TTLL5: variants seen among roughly 807,000 people sequenced by gnomAD.
The protein encoded by TTLL5 is tubulin polyglutamylase TTLL5.
In TTLL5, 132 loss-of-function variants were observed where a neutral mutation model predicts 168.4. That is an observed-to-expected ratio of 0.78 (90% CI 0.68 to 0.91). The LOEUF (loss-of-function observed/expected upper bound fraction) is 0.91. TTLL5 is among the 40% of genes least tolerant of loss of function. TTLL5 has a pLI of 0.00. For missense variants in TTLL5, 1,545 were observed against 1,581.5 expected (o/e 0.98, Z 0.39); for synonymous variants, 546 against 558.6 (o/e 0.98, Z 0.32).
Position 75,766,182 on chromosome 14 carries a change from T to A in TTLL5, c.1829T>A (p.Phe610Tyr). ...QEASQEESAG[F>Y]LRENQAKYTP... ...GCTTCCCAGGAGGAGTCTGCAGGAT[T>A]TCTTAGAGAAAATCAAGCCAAATAT... The change falls in exon 20 of 32, where the codon TTT becomes TAT. Residue 610 changes from phenylalanine to tyrosine, a missense_variant. Phe to Tyr is a conservative substitution (Grantham distance 22, BLOSUM62 3). Coordinates refer to ENST00000298832, the MANE Select transcript of TTLL5 (RefSeq NM_015072.5). 1 of 1,614,044 alleles carries A rather than the reference T, an allele frequency of 6.2e-7. No homozygotes were observed. Among genetic ancestry groups the A allele is most frequent in the Non-Finnish European group, 8.5e-7 (1 of 1,179,988 alleles).
chr14:75,866,446 T>C (rs1366084823), intron 29 of TTLL5, among the ~76,000 whole-genome samples: 1 of 152,212 alleles, frequency 6.6e-6, no homozygotes, highest in Non-Finnish European at 1.5e-5. Context: ...GTAGATAGAA[T>C]TGAAATCTGA....
intron 28 of TTLL5, among the ~76,000 whole-genome samples, chr14:75,824,265 G>A (rs1009981505): frequency 1.3e-5 from 2 of 152,138 alleles, no homozygotes; most frequent in Admixed American, 6.5e-5. Context: ...AAAGACTTTT[G>A]AAGACATAAT....
chr14:75,945,321 A>C (rs1488752241), intron 31 of TTLL5, among the ~76,000 whole-genome samples: 1 of 151,446 alleles, frequency 6.6e-6, no homozygotes, highest in Non-Finnish European at 1.5e-5. Flanking sequence ...CAGTGGCACG[A>C]TCTTGGCTCG....
chr14:75,882,556 T>C (rs2031874842), intron 29 of TTLL5, 129 bp from the exon 30 acceptor site: 2 of 796,304 alleles, frequency 2.5e-6, no homozygotes, highest in Non-Finnish European at 3.9e-6. Context: ...GAGAAGTTTT[T>C]CCTTAAAAAA....
At position 75,930,541 on chromosome 14, in the gene TTLL5, AATAAAGG is replaced by A. The variant is rs2034241580; in HGVS notation, c.3824-23878_3824-23872del. On this transcript the variant is annotated intron_variant, in intron 31 of 31. Transcript: ENST00000298832. ...AACACTTCTAGTCACAAGCATTTTGAATAAAGGATAATCAGCCTGTATATATTATTAA... is the reference window on the plus strand; with the variant it reads ...AACACTTCTAGTCACAAGCATTTTGAATAATCAGCCTGTATATATTATTAA... 3.2e-6 allele frequency: 3 copies of A among 927,230 alleles called. No individual in the cohort carries two copies. In the South Asian group the frequency reaches 1.5e-4, roughly 46 times the overall value. The allele number at this position is 927,230 out of a possible 1,614,324, so 57.4% of individuals were successfully genotyped here. A position where few individuals can be genotyped will look rare whatever the true frequency, so the allele number is the denominator to read the frequency against.
chr14:75,667,632 G>A (rs1883362990), intron 2 of TTLL5, among the ~76,000 whole-genome samples: 2 of 151,958 alleles, frequency 1.3e-5, no homozygotes, highest in South Asian at 4.1e-4. Flanking sequence ...AACTAGGTAT[G>A]CTGTTCTTTG....
At chr14:75,861,232 T>G (rs1303836671) in intron 28 of TTLL5, among the ~76,000 whole-genome samples, 1 of 152,090 alleles carries the variant, frequency 6.6e-6, no homozygotes, top group Admixed American at 6.6e-5. Context: ...ATGTGACATA[T>G]CAGAGGTGAG....
intron 27 of TTLL5, among the ~76,000 whole-genome samples, chr14:75,803,813 A>C (rs1423755150): frequency 6.6e-6 from 1 of 152,196 alleles, no homozygotes. Context: ...GAAGAGATGT[A>C]GCCCTTTGTG....
intron 28 of TTLL5, among the ~76,000 whole-genome samples, chr14:75,841,004 A>G (rs1310016557): frequency 6.6e-6 from 1 of 152,204 alleles, no homozygotes; most frequent in African/African-American, 2.4e-5. Flanking sequence ...TCACATGGCA[A>G]GAGCAGGGGC....
chr14:75,706,159 C>T (rs938852685), intron 7 of TTLL5, among the ~76,000 whole-genome samples: 2 of 152,196 alleles, frequency 1.3e-5, no homozygotes, highest in African/African-American at 4.8e-5. Context: ...CTCATTTCTG[C>T]ATCTACTCTT....
rs190661443 is a variant in TTLL5, at chr14:75,906,406, G to C, written c.3823+4182G>C. The C allele has an allele frequency of 4.3e-5, 24 of 555,784 alleles. No homozygotes were observed. The African/African-American group carries it at 4.9e-4, about 11-fold the overall frequency. The allele number at this position is 555,784 out of a possible 1,614,324, so 34.4% of individuals were successfully genotyped here. On this transcript the variant is annotated intron_variant, in intron 31 of 31. Transcript: ENST00000298832. Reference sequence around the variant, plus strand: ...TTTTACGCTGTTCAAAAGCAAAAGAGAGACTGTGAATTGGAATTTGACAGG... The same window carrying C: ...TTTTACGCTGTTCAAAAGCAAAAGACAGACTGTGAATTGGAATTTGACAGG...
intron 10 of TTLL5, 78 bp downstream of exon 10, chr14:75,718,040 T>G: frequency 7.6e-7 from 1 of 1,308,552 alleles, no homozygotes; most frequent in Non-Finnish European, 1.1e-6. Context: ...AGGTAACATG[T>G]GGCACTGGAG....
chr14:75,841,074 A>G (rs575961307), intron 28 of TTLL5, among the ~76,000 whole-genome samples: 1 of 152,306 alleles, frequency 6.6e-6, no homozygotes, highest in Non-Finnish European at 1.5e-5. Context: ...GAACTGAGCA[A>G]GCGCTCACTC....
intron 17 of TTLL5, among the ~76,000 whole-genome samples, chr14:75,746,557 C>CTTTTT (rs71119389): frequency 8.7e-6 from 1 of 114,726 alleles, no homozygotes. Context: ...CTTTTCTTTT[C>CTTTTT]TTTTTTTTTT....
chr14:75,944,331 CTCAATAT>C (rs1246450744), intron 31 of TTLL5, among the ~76,000 whole-genome samples: 1 of 152,210 alleles, frequency 6.6e-6, no homozygotes, highest in Non-Finnish European at 1.5e-5. Context: ...ACACCATCCT[CTCAATAT>C]TCAAGAGTCA....
Position 75,793,108 on chromosome 14 carries a change from T to C in TTLL5, c.3171+8T>C, listed in dbSNP as rs1332019890. The C allele has an allele frequency of 1.3e-6, 2 of 1,581,282 alleles. No homozygotes were observed. Among genetic ancestry groups the C allele is most frequent in the Non-Finnish European group, 1.7e-6 (2 of 1,161,192 alleles). ...AACCTCCTCACCCAACAGGTACGGA[T>C]GGTCTGGGGTGTCCAAGAGCTCTTT... On this transcript the variant is annotated splice_region_variant and intron_variant, in intron 27 of 31. Coordinates refer to ENST00000298832, the MANE Select transcript of TTLL5 (RefSeq NM_015072.5).
intron 3 of TTLL5, among the ~76,000 whole-genome samples, chr14:75,672,963 A>G (rs1024345035): frequency 4.6e-5 from 7 of 151,238 alleles, no homozygotes; most frequent in African/African-American, 9.7e-5. Flanking sequence ...TTGAGTGACA[A>G]AGTCTCACTC....
intron 28 of TTLL5, among the ~76,000 whole-genome samples, chr14:75,861,328 A>G (rs1213970079): frequency 1.3e-5 from 2 of 152,200 alleles, no homozygotes; most frequent in African/African-American, 4.8e-5. Context: ...GAGTTGGGAA[A>G]CCAAAGCAGA....
chr14:75,744,139 G>A (rs1889451519), intron 15 of TTLL5, among the ~76,000 whole-genome samples: 1 of 152,208 alleles, frequency 6.6e-6, no homozygotes, highest in Non-Finnish European at 1.5e-5. Flanking sequence ...AATACCTCGT[G>A]ACAATGGGGC....
Sources: allele counts gnomAD v4.1 joint callset (sites outside exome capture counted in the v4.1 genomes callset), GRCh38; gene constraint gnomAD v4.1.1; transcripts MANE v1.5; gene names NCBI Gene and HGNC (gene_info 2026-07-23, HGNC 2026-07-21).